The following DDX3Y variants were observed in gnomAD, a reference collection of about 807,000 sequenced individuals.
The protein encoded by DDX3Y is ATP-dependent RNA helicase DDX3Y.
A neutral mutation model predicts 15.1 loss-of-function variants in DDX3Y; 2 were observed. That is an observed-to-expected ratio of 0.13 (90% CI 0.05 to 0.42). DDX3Y has a LOEUF of 0.42. Among genes scored for constraint, DDX3Y ranks in the 10% least tolerant of loss-of-function variants. The probability of loss-of-function intolerance (pLI) is 0.99; values close to 1 mark genes in which losing one functional copy is unlikely to be tolerated. For synonymous variants in DDX3Y, 47 were observed against 45.0 expected (o/e 1.04, Z -0.18); for missense variants, 81 against 149.9 (o/e 0.54, Z 2.40).
rs1416575173 is a variant in DDX3Y, at chrY:12,913,723, C to T, written c.543C>T (p.Ser181=). Residue 181 remains serine, a synonymous_variant, in exon 7 of 17, where the codon AGC becomes AGT. Transcript: ENST00000336079. ...CTGGTTAAATTTCTTGGCAGTTTAG[C>T]GATATTGACATGGGAGAAATTATCA... The part of the protein sequence containing the change: ...SNCPPHIENF[S]DIDMGEIIMG... 5.1e-6 allele frequency: 2 copies of T among 394,912 alleles called. No individual in the cohort carries two copies. The highest frequency in any genetic ancestry group is 7.1e-6 in the Non-Finnish European group (2 of 281,621).
At chrY:12,914,482 A>G in intron 7 of DDX3Y, 82 bp from the exon 8 acceptor site, 1 of 224,997 alleles carries the variant, frequency 4.4e-6, no homozygotes, top group South Asian at 3.8e-5. Context: ...AGTAAGAAAA[A>G]TTTTCTTACA....
chrY:12,918,240 C>T lies in DDX3Y; in HGVS notation c.*118C>T. On this transcript the variant is annotated 3_prime_UTR_variant, in exon 17 of 17. Coordinates refer to ENST00000336079, the MANE Select transcript of DDX3Y (RefSeq NM_004660.5). ...GCAGTACATTACCAGCTGTGATTCT[C>T]CTGATAATTCAAGGGAGCTCAAAGT... 3.1e-5 allele frequency: 4 copies of T among 128,167 alleles called. No homozygotes were observed. Among genetic ancestry groups the T allele is most frequent in the Non-Finnish European group, 5.7e-5 (4 of 70,746 alleles). The allele number at this position is 128,167 out of a possible 400,897, so 32.0% of individuals were successfully genotyped here. A position where few individuals can be genotyped will look rare whatever the true frequency, so the allele number is the denominator to read the frequency against.
rs2053659505 is a variant in DDX3Y, at chrY:12,919,012, C to T, written c.*890C>T. On this transcript the variant is annotated 3_prime_UTR_variant, in exon 17 of 17. Transcript: ENST00000336079. ...TAAAAATTTGAAATATTAGAATGGC[C>T]GACCATGGCAGTGACCAGGCCTCAC... is the stretch of plus-strand genomic sequence containing the variant. 3.1e-5 allele frequency: 1 copy of T among 32,641 alleles called. No individual in the cohort carries two copies. Among genetic ancestry groups the T allele is most frequent in the African/African-American group, 1.2e-4 (1 of 8,296 alleles). The allele number at this position is 32,641 out of a possible 400,897, so 8.1% of individuals were successfully genotyped here.
intron 2 of DDX3Y, among the ~76,000 whole-genome samples, chrY:12,908,756 C>A (rs2053619152): frequency 3.0e-5 from 1 of 33,654 alleles, no homozygotes; most frequent in Admixed American, 2.6e-4. Context: ...GATCTCGGCT[C>A]ACCCCAAGCT....
Position 12,917,246 on chromosome Y carries a change from C to G in DDX3Y, c.1764-157C>G, listed in dbSNP as rs758371829. On this transcript the variant is annotated intron_variant, in intron 15 of 16. Coordinates refer to ENST00000336079, the MANE Select transcript of DDX3Y (RefSeq NM_004660.5). Reference sequence around the variant, plus strand: ...CTTACTCCTGAGTCCTTTAGAAACACTGTTAGAACACATTGGGACATTAAT... The same window carrying G: ...CTTACTCCTGAGTCCTTTAGAAACAGTGTTAGAACACATTGGGACATTAAT... Among the ~76,000 whole-genome samples, 4 of 34,158 alleles carry G rather than the reference C, an allele frequency of 1.2e-4. No homozygotes were observed. The East Asian group carries it at 3.0e-3, about 26-fold the overall frequency. 91.6% of individuals were successfully genotyped at this position (34,158 alleles called of 37,273 possible).
Position 12,918,293 on chromosome Y carries a change from C to G in DDX3Y, c.*171C>G, listed in dbSNP as rs891088766. ...CAAGAAGAAAAATGAAAGGAAAAAA[C>G]AGCAGCCCTATTCAGAAATTGGTTT... On this transcript the variant is annotated 3_prime_UTR_variant, in exon 17 of 17. Transcript: ENST00000336079. 7.2e-4 allele frequency: 76 copies of G among 106,166 alleles called. No individual in the cohort carries two copies. Among genetic ancestry groups the G allele is most frequent in the Non-Finnish European group, 1.3e-3 (73 of 57,032 alleles). 26.5% of individuals were successfully genotyped at this position (106,166 alleles called of 400,897 possible). A position where few individuals can be genotyped will look rare whatever the true frequency, so the allele number is the denominator to read the frequency against.
intron 2 of DDX3Y, among the ~76,000 whole-genome samples, chrY:12,908,921 C>G: frequency 3.0e-5 from 1 of 33,191 alleles, no homozygotes; most frequent in Admixed American, 2.7e-4. Context: ...CTCCTGACCT[C>G]GTGATCTGCC....
Position 12,920,319 on chromosome Y carries a change from C to T in DDX3Y, c.*2197C>T, listed in dbSNP as rs2053663583. The stretch of plus-strand genomic sequence containing the variant: ...CTTAACATTCGGTTTTATCAGCCAG[C>T]AGTATTCTTCAGTAAATAAAGAATG... On this transcript the variant is annotated 3_prime_UTR_variant, in exon 17 of 17. Transcript: ENST00000336079. 3.0e-5 allele frequency: 1 copy of T among 33,786 alleles called. No homozygotes were observed. Among genetic ancestry groups the T allele is most frequent in the Non-Finnish European group, 7.4e-5 (1 of 13,583 alleles). The allele number at this position is 33,786 out of a possible 400,897, so 8.4% of individuals were successfully genotyped here.
At chrY:12,912,440 C>T (rs374565232) in intron 4 of DDX3Y, among the ~76,000 whole-genome samples, 1 of 33,548 alleles carries the variant, frequency 3.0e-5, no homozygotes, top group Non-Finnish European at 7.4e-5. Context: ...ATGTAAAGTA[C>T]GTAACTAGTT....
intron 2 of DDX3Y, among the ~76,000 whole-genome samples, chrY:12,908,752 G>A (rs2053619056): frequency 3.0e-5 from 1 of 33,284 alleles, no homozygotes; most frequent in Non-Finnish European, 7.5e-5. Flanking sequence ...GCGCGATCTC[G>A]GCTCACCCCA....
chrY:12,915,139 T>C lies in DDX3Y; in HGVS notation c.931T>C (p.Leu311=). The C allele has an allele frequency of 2.5e-6, 1 of 398,871 alleles. No homozygotes were observed. Among genetic ancestry groups the C allele is most frequent in the East Asian group, 9.2e-5 (1 of 10,877 alleles). ...TGATATTGGTCAGCAGATTCGGGACTTAGAACGTGGATGCCACTTGTTAGT... is the reference window on the plus strand; with the variant it reads ...TGATATTGGTCAGCAGATTCGGGACCTAGAACGTGGATGCCACTTGTTAGT... ...GADIGQQIRD[L]ERGCHLLVAT... The change falls in exon 10 of 17, where the codon TTA becomes CTA. Residue 311 remains leucine (L), a synonymous_variant. Transcript: ENST00000336079.
At chrY:12,912,310 G>C (rs2053631170) in intron 4 of DDX3Y, among the ~76,000 whole-genome samples, 1 of 33,186 alleles carries the variant, frequency 3.0e-5, no homozygotes, top group Non-Finnish European at 7.4e-5. Context: ...TCACAAATAG[G>C]AGTAAAACTC....
intron 10 of DDX3Y, 65 bp downstream of exon 10, chrY:12,915,292 AT>A: frequency 9.2e-6 from 3 of 325,373 alleles, no homozygotes; most frequent in Non-Finnish European, 1.4e-5. Context: ...CTTTTGTTGT[AT>A]TTTACTAGTA....
At chrY:12,906,709 A>G (rs930116056) in intron 1 of DDX3Y, among the ~76,000 whole-genome samples, 1 of 32,976 alleles carries the variant, frequency 3.0e-5, no homozygotes, top group Non-Finnish European at 7.4e-5. Context: ...AAAAAAATCT[A>G]TTTTAACGTA....
chrY:12,919,448 C>CT lies in DDX3Y; in HGVS notation c.*1330dup. The CT allele has an allele frequency of 5.9e-5, 2 of 33,782 alleles. No individual in the cohort carries two copies. Among genetic ancestry groups the CT allele is most frequent in the East Asian group, 1.5e-3 (2 of 1,297 alleles). The allele number at this position is 33,782 out of a possible 400,897, so 8.4% of individuals were successfully genotyped here. ...GATGCAATGATCTTTAAAAACAAATCTTTTCAATGGCATAAGAAGTTGACA... is the reference window on the plus strand; with the variant it reads ...GATGCAATGATCTTTAAAAACAAATCTTTTTCAATGGCATAAGAAGTTGACA... On this transcript the variant is annotated 3_prime_UTR_variant, in exon 17 of 17. Coordinates refer to ENST00000336079, the MANE Select transcript of DDX3Y (RefSeq NM_004660.5).
chrY:12,917,569 G>T (rs757075671), intron 16 of DDX3Y, 27 bp downstream of exon 16: 1 of 367,844 alleles, frequency 2.7e-6, no homozygotes. Context: ...TTTTAGGAAG[G>T]GCTTTTTGTT....
Position 12,914,612 on chromosome Y carries a change from A to G in DDX3Y, c.722A>G (p.Tyr241Cys). 1 of 395,576 alleles carries G rather than the reference A, an allele frequency of 2.5e-6. No homozygotes were observed. Among genetic ancestry groups the G allele is most frequent in the Non-Finnish European group, 3.6e-6 (1 of 281,047 alleles). ...CTTTTACCCATACTGAGTCAGATAT[A>G]TACAGATGGTCCAGGAGAAGCTTTG... ...AFLLPILSQI[Y>C]TDGPGEALKA... Residue 241 changes from tyrosine (Y) to cysteine (C), a missense_variant, in exon 8 of 17, where the codon TAT becomes TGT. By Grantham distance (194) the Tyr-to-Cys change is radical. Coordinates refer to ENST00000336079, the MANE Select transcript of DDX3Y (RefSeq NM_004660.5).
At chrY:12,908,990 A>G (rs2053620224) in intron 2 of DDX3Y, among the ~76,000 whole-genome samples, 2 of 33,763 alleles carry the variant, frequency 5.9e-5, no homozygotes, top group Non-Finnish European at 1.5e-4. Flanking sequence ...CCAGCCCAGT[A>G]CAGATTTTTT....
intron 9 of DDX3Y, 30 bp downstream of exon 9, chrY:12,915,012 T>C: frequency 2.5e-6 from 1 of 396,863 alleles, no homozygotes; most frequent in South Asian, 3.0e-5. Flanking sequence ...GATTATTGCT[T>C]TTCTTATTTG....
Sources: gnomAD v4.1 joint callset for allele counts (sites outside exome capture counted in the v4.1 genomes callset) on GRCh38, gnomAD v4.1.1 for gene constraint, MANE v1.5 for transcripts, NCBI Gene and HGNC (gene_info 2026-07-23, HGNC 2026-07-21) for gene names.